The following WDCP variants were observed in gnomAD, a reference collection of about 807,000 sequenced individuals.
The protein encoded by WDCP is WD repeat and coiled coil containing.
Under a neutral mutation model 41.6 loss-of-function variants are expected in WDCP, and 19 were observed. The observed-to-expected ratio is 0.46, with a 90% CI of 0.32 to 0.67. WDCP has a LOEUF of 0.67. Among genes scored for constraint, WDCP ranks in the 30% least tolerant of loss-of-function variants. The pLI, the probability that WDCP is intolerant of heterozygous loss-of-function variation, is 0.04. For synonymous variants in WDCP, 302 were observed against 320.8 expected (o/e 0.94, Z 0.63); for missense variants, 802 against 850.7 (o/e 0.94, Z 0.71).
Position 24,038,543 on chromosome 2 carries a change from G to A in WDCP, c.952C>T (p.His318Tyr), listed in dbSNP as rs1003100482. ...TTCTTAAAGGTCACAAGGACCAAATGTGAAGAATCTTGGCCAGTTCCTGTC... is the reference window on the plus strand; with the variant it reads ...TTCTTAAAGGTCACAAGGACCAAATATGAAGAATCTTGGCCAGTTCCTGTC... ...YLTGTGQDSS[H>Y]LVLVTFKKAV... Residue 318 changes from histidine to tyrosine, a missense_variant, in exon 2 of 4, where the codon CAT becomes TAT. His to Tyr is a moderately conservative substitution (Grantham distance 83). Coordinates refer to ENST00000295148, the MANE Select transcript of WDCP (RefSeq NM_025203.3). 2 of 1,614,246 alleles carry A rather than the reference G, an allele frequency of 1.2e-6. No homozygotes were observed. Among genetic ancestry groups the A allele is most frequent in the Non-Finnish European group, 1.7e-6 (2 of 1,180,050 alleles).
At chr2:24,032,037 T>C (rs1558331169) in intron 3 of WDCP, among the ~76,000 whole-genome samples, 1 of 152,216 alleles carries the variant, frequency 6.6e-6, no homozygotes, top group Non-Finnish European at 1.5e-5. Context: ...CCATATGTTT[T>C]GGCACCTATA....
At chr2:24,046,517 G>A (rs1178954976) in intron 1 of WDCP, among the ~76,000 whole-genome samples, 14 of 152,246 alleles carry the variant, frequency 9.2e-5, no homozygotes, top group Admixed American at 9.2e-4. Flanking sequence ...ACTAAGAGCC[G>A]GTGCTCAGTA....
intron 1 of WDCP, among the ~76,000 whole-genome samples, chr2:24,039,858 C>T (rs1663372392): frequency 6.6e-6 from 1 of 152,014 alleles, no homozygotes; most frequent in Middle Eastern, 3.4e-3. Context: ...AGTGCAATGG[C>T]ACAATCTCGG....
At chr2:24,036,202 C>G (rs1663251533) in intron 2 of WDCP, among the ~76,000 whole-genome samples, 1 of 151,714 alleles carries the variant, frequency 6.6e-6, no homozygotes, top group Admixed American at 6.6e-5. Flanking sequence ...CAAAAATCCT[C>G]TTTAAAAAAA....
At chr2:24,031,978 A>G (rs11125371) in intron 3 of WDCP, among the ~76,000 whole-genome samples, 82,916 of 152,146 alleles carry the variant, frequency 0.54, 23,497 homozygotes, top group East Asian at 0.83. Context: ...ATGTACATTT[A>G]ACTTTTCCAG....
intron 1 of WDCP, among the ~76,000 whole-genome samples, chr2:24,040,828 C>T (rs1663404955): frequency 6.6e-6 from 1 of 151,924 alleles, no homozygotes; most frequent in South Asian, 2.1e-4. Flanking sequence ...CCCAGCCTGA[C>T]CAACATGCAG....
Position 24,037,790 on chromosome 2 carries a change from C to G in WDCP, c.1705G>C (p.Val569Leu). Residue 569 changes from valine to leucine, a missense_variant, in exon 2 of 4, where the codon GTT (valine) becomes CTT (leucine). Around this residue, in one of 5 missense-constraint regions of WDCP, gnomAD observed 321 missense variants for 305.1 expected, o/e 1.05. Transcript: ENST00000295148. ...KEVEILSRNL[V>L]EMQRCLSELT... The stretch of plus-strand genomic sequence containing the variant: ...TCAGAAAGACACCGTTGCATTTCAA[C>G]CAGGTTCCTAGATAAAATTTCCACT... The G allele has an allele frequency of 1.2e-6, 2 of 1,614,224 alleles. No homozygotes were observed. Among genetic ancestry groups the G allele is most frequent in the Non-Finnish European group, 1.7e-6 (2 of 1,180,038 alleles).
At position 24,038,576 on chromosome 2, in the gene WDCP, C is replaced by A. The variant is rs752332640; in HGVS notation, c.919G>T (p.Asp307Tyr). Residue 307 changes from aspartate (D) to tyrosine (Y), a missense_variant, in exon 2 of 4, where the codon GAC becomes TAC. Physicochemically the swap from Asp to Tyr is radical, Grantham distance 160. This residue lies in a region of WDCP where 247 missense variants were observed against 240.5 expected (regional missense o/e 1.03). Transcript: ENST00000295148. ...GNSLICLRKKDYLTGTGQDSS... is the reference protein window; with the variant it reads ...GNSLICLRKKYYLTGTGQDSS... ...TCTTGGCCAGTTCCTGTCAAGTAGTCCTTTTTTCTTAGACAAATAAGAGAA... is the reference window on the plus strand; with the variant it reads ...TCTTGGCCAGTTCCTGTCAAGTAGTACTTTTTTCTTAGACAAATAAGAGAA... 1.1e-5 allele frequency: 17 copies of A among 1,613,898 alleles called. No homozygotes were observed. The highest frequency in any genetic ancestry group is 1.4e-5 in the Non-Finnish European group (16 of 1,179,986).
rs1311529316 is a variant in WDCP at position 24,039,066 on chromosome 2, G to C, written c.429C>G (p.His143Gln). ...AQDVSIFPNV[H>Q]SDDSQVKADI... The stretch of plus-strand genomic sequence containing the variant: ...CTGCCTTTACCTGGGAATCATCAGA[G>C]TGAACATTAGGGAAAATGGAGACAT... Residue 143 changes from histidine to glutamine, a missense_variant, in exon 2 of 4, where the codon CAC becomes CAG. Transcript: ENST00000295148. 4 of 1,614,068 alleles carry C rather than the reference G, an allele frequency of 2.5e-6. No homozygotes were observed. The highest frequency in any genetic ancestry group is 3.4e-6 in the Non-Finnish European group (4 of 1,180,058).
intron 3 of WDCP, 146 bp downstream of exon 3, chr2:24,032,683 T>C (rs771616680): frequency 6.3e-6 from 3 of 479,816 alleles, no homozygotes; most frequent in Non-Finnish European, 1.1e-5. Context: ...CCTGTCTCAA[T>C]AATAATAATA....
At chr2:24,033,695 G>A (rs1351907521) in intron 2 of WDCP, among the ~76,000 whole-genome samples, 3 of 152,096 alleles carry the variant, frequency 2.0e-5, no homozygotes, top group Non-Finnish European at 4.4e-5. Flanking sequence ...GAGCTGAGAA[G>A]GTGCCACTGT....
chr2:24,046,119 T>A (rs1195346521), intron 1 of WDCP, among the ~76,000 whole-genome samples: 1 of 51,434 alleles, frequency 1.9e-5, no homozygotes, highest in Non-Finnish European at 4.0e-5. Flanking sequence ...GTTGGGGAGG[T>A]GGGGGTGGGG....
At chr2:24,041,970 TA>T (rs1320962256) in intron 1 of WDCP, among the ~76,000 whole-genome samples, 1 of 150,908 alleles carries the variant, frequency 6.6e-6, no homozygotes, top group African/African-American at 2.4e-5. Context: ...ACATAAAAAA[TA>T]CTATTTAATG....
chr2:24,039,533 A>G, intron 1 of WDCP, 21 bp from the exon 2 acceptor site: 1 of 1,590,306 alleles, frequency 6.3e-7, no homozygotes, highest in Non-Finnish European at 8.6e-7. Context: ...TAAGAAGGAA[A>G]GTTACACCAT....
Position 24,039,569 on chromosome 2 carries a change from T to C in WDCP, c.-18-57A>G, listed in dbSNP as rs147325703. Reference sequence around the variant, plus strand: ...GAGAAATCTAGACAAATCTAGAATGTAGGACATTTGGTAAGACAACGGCTT... The same window carrying C: ...GAGAAATCTAGACAAATCTAGAATGCAGGACATTTGGTAAGACAACGGCTT... On this transcript the variant is annotated intron_variant, in intron 1 of 3. Transcript: ENST00000295148. The C allele has an allele frequency of 3.3e-6, 5 of 1,503,844 alleles. No individual in the cohort carries two copies. The East Asian group carries it at 1.1e-4, about 34-fold the overall frequency. 93.2% of individuals were successfully genotyped at this position (1,503,844 alleles called of 1,614,324 possible).
rs759201973 is a variant in WDCP, at chr2:24,037,804, A to G, written c.1691T>C (p.Leu564Ser). Residue 564 changes from leucine (L) to serine (S), a missense_variant, in exon 2 of 4, where the codon TTA becomes TCA. By Grantham distance (145) the Leu-to-Ser change is moderately radical. This residue lies in a region of WDCP where 321 missense variants were observed against 305.1 expected (regional missense o/e 1.05). Coordinates refer to ENST00000295148, the MANE Select transcript of WDCP (RefSeq NM_025203.3). ...TYQLSKEVEI[L>S]SRNLVEMQRC... ...TTGCATTTCAACCAGGTTCCTAGATAAAATTTCCACTTCCTTAGACAGCTG... is the reference window on the plus strand; with the variant it reads ...TTGCATTTCAACCAGGTTCCTAGATGAAATTTCCACTTCCTTAGACAGCTG... The G allele has an allele frequency of 1.7e-5, 28 of 1,614,242 alleles. No homozygotes were observed. Among genetic ancestry groups the G allele is most frequent in the Non-Finnish European group, 1.2e-5 (14 of 1,180,052 alleles).
intron 1 of WDCP, 25 bp from the exon 2 acceptor site, chr2:24,039,537 A>G (rs1249997449): frequency 6.3e-7 from 1 of 1,585,076 alleles, no homozygotes; most frequent in East Asian, 2.2e-5. Flanking sequence ...AAGGAAAGTT[A>G]CACCATGAGA....
rs540195830 is a variant in WDCP at position 24,038,586 on chromosome 2, T to C, written c.909A>G (p.Leu303=). The change falls in exon 2 of 4, where the codon CTA becomes CTG. Residue 303 remains leucine (L), a synonymous_variant. Coordinates refer to ENST00000295148, the MANE Select transcript of WDCP (RefSeq NM_025203.3). ...TTCCTGTCAAGTAGTCCTTTTTTCT[T>C]AGACAAATAAGAGAATTACCCTCAG... ...HKSEGNSLIC[L]RKKDYLTGTG... 7 of 1,614,076 alleles carry C rather than the reference T, an allele frequency of 4.3e-6. No homozygotes were observed. The African/African-American group carries it at 9.3e-5, about 22-fold the overall frequency.
intron 1 of WDCP, among the ~76,000 whole-genome samples, chr2:24,042,296 G>C (rs1213455274): frequency 6.6e-6 from 1 of 152,028 alleles, no homozygotes; most frequent in East Asian, 1.9e-4. Context: ...CCAGCACTTT[G>C]GGAGGCCGAG....
Sources: allele counts gnomAD v4.1 joint callset (sites outside exome capture counted in the v4.1 genomes callset), GRCh38; gene constraint gnomAD v4.1.1; regional missense constraint gnomAD v4.1.1; transcripts MANE v1.5; gene names NCBI Gene and HGNC (gene_info 2026-07-23, HGNC 2026-07-21).